RYR3: variants seen among roughly 807,000 people sequenced by gnomAD.
RYR3 encodes brain ryanodine receptor-calcium release channel.
Under a neutral mutation model 584.3 loss-of-function variants are expected in RYR3, and 207 were observed. The ratio of observed to expected loss-of-function variants is 0.35; its 90% CI spans 0.32 to 0.40. RYR3 has a LOEUF of 0.40. RYR3 is among the 10% of genes least tolerant of loss of function. RYR3 has a pLI of 1.00. For missense variants in RYR3, 5,616 were observed against 6,089.2 expected (o/e 0.92, Z 2.59); for synonymous variants, 2,416 against 2,248.5 (o/e 1.07, Z -2.11).
intron 1 of RYR3, among the ~76,000 whole-genome samples, chr15:33,452,548 G>A (rs1381331222): frequency 6.6e-6 from 1 of 152,140 alleles, no homozygotes; most frequent in Non-Finnish European, 1.5e-5. Context: ...TAAATATAAT[G>A]ATAGATCATA....
intron 21 of RYR3, among the ~76,000 whole-genome samples, chr15:33,629,570 A>G (rs1321303131): frequency 4.6e-5 from 7 of 152,234 alleles, no homozygotes; most frequent in Non-Finnish European, 1.0e-4. Context: ...CTACTGCACA[A>G]CACTGGTCCA....
chr15:33,555,712 G>C (rs532530810), intron 10 of RYR3, among the ~76,000 whole-genome samples: 2 of 152,334 alleles, frequency 1.3e-5, no homozygotes, highest in African/African-American at 4.8e-5. Flanking sequence ...AATGGAAGTA[G>C]TGCTGCTTAT....
At chr15:33,357,580 G>A (rs891460307) in intron 1 of RYR3, among the ~76,000 whole-genome samples, 2 of 152,008 alleles carry the variant, frequency 1.3e-5, no homozygotes, top group African/African-American at 4.8e-5. Flanking sequence ...ATTTTATAGT[G>A]CCTGCTTAAA....
intron 44 of RYR3, 108 bp downstream of exon 44, chr15:33,723,003 A>G (rs1384534133): frequency 6.0e-6 from 6 of 997,316 alleles, no homozygotes; most frequent in Non-Finnish European, 8.9e-6. Context: ...TGTTCTTAAC[A>G]GTTACAGCTA....
chr15:33,637,736 T>C (rs188752405), intron 27 of RYR3, among the ~76,000 whole-genome samples: 1 of 152,274 alleles, frequency 6.6e-6, no homozygotes, highest in African/African-American at 2.4e-5. Context: ...AAATGACTTT[T>C]GCACTTTTTT....
rs769718951 is a variant in RYR3, at chr15:33,728,867, C to T, written c.7044C>T (p.Val2348=). 6.2e-7 allele frequency: 1 copy of T among 1,611,220 alleles called. No homozygotes were observed. The highest frequency in any genetic ancestry group is 1.1e-5 in the South Asian group (1 of 90,076). ...CTATGTGTCTTTCAGATGGGTCGGTCAGTGAGCCAGATATGGCGGCCAATT... is the reference window on the plus strand; with the variant it reads ...CTATGTGTCTTTCAGATGGGTCGGTTAGTGAGCCAGATATGGCGGCCAATT... ...KLPSLNKDGS[V]SEPDMAANFC... is the part of the protein sequence containing the mutation. Residue 2348 remains valine (V), a synonymous_variant, in exon 47 of 104, where the codon GTC becomes GTT. Coordinates refer to ENST00000634891, the MANE Select transcript of RYR3 (RefSeq NM_001036.6).
At chr15:33,370,585 G>A (rs556147305) in intron 1 of RYR3, among the ~76,000 whole-genome samples, 2 of 152,264 alleles carry the variant, frequency 1.3e-5, no homozygotes, top group Non-Finnish European at 2.9e-5. Flanking sequence ...CAAAGTAAAC[G>A]TATTGGACAT....
chr15:33,528,119 C>T (rs1182225528), intron 3 of RYR3, among the ~76,000 whole-genome samples: 4 of 152,078 alleles, frequency 2.6e-5, no homozygotes, highest in African/African-American at 9.7e-5. Context: ...TTTCTTCCAC[C>T]ATTTTGCAGT....
intron 43 of RYR3, among the ~76,000 whole-genome samples, chr15:33,711,326 C>T (rs2067105194): frequency 6.8e-6 from 1 of 147,672 alleles, no homozygotes; most frequent in South Asian, 2.1e-4. Context: ...TCACTGCAAG[C>T]TCCGCCTCCC....
intron 1 of RYR3, among the ~76,000 whole-genome samples, chr15:33,319,491 C>A (rs1968660116): frequency 6.6e-6 from 1 of 152,226 alleles, no homozygotes; most frequent in South Asian, 2.1e-4. Context: ...TAGAAGAGAA[C>A]AGTTCAAGAA....
At chr15:33,541,430 T>G (rs1435509784) in intron 7 of RYR3, among the ~76,000 whole-genome samples, 1 of 152,166 alleles carries the variant, frequency 6.6e-6, no homozygotes, top group African/African-American at 2.4e-5. Flanking sequence ...TCCAACGTTG[T>G]TCAATGTATT....
intron 89 of RYR3, among the ~76,000 whole-genome samples, chr15:33,840,094 G>A (rs1352365342): frequency 6.6e-6 from 1 of 152,236 alleles, no homozygotes; most frequent in Non-Finnish European, 1.5e-5. Flanking sequence ...TGAACATGCA[G>A]TGAGTTACAG....
intron 8 of RYR3, among the ~76,000 whole-genome samples, chr15:33,545,234 A>G (rs1489551217): frequency 1.3e-5 from 2 of 152,164 alleles, no homozygotes; most frequent in Non-Finnish European, 1.5e-5. Context: ...TCAAAATTAG[A>G]GCCAAATTAG....
chr15:33,829,956 A>G (rs2077581577), intron 85 of RYR3, among the ~76,000 whole-genome samples: 1 of 152,222 alleles, frequency 6.6e-6, no homozygotes, highest in Non-Finnish European at 1.5e-5. Flanking sequence ...AATTGCTGCA[A>G]TCTCATGATC....
chr15:33,478,492 C>T (rs905494150), intron 2 of RYR3, among the ~76,000 whole-genome samples: 1 of 152,212 alleles, frequency 6.6e-6, no homozygotes, highest in Non-Finnish European at 1.5e-5. Context: ...TTCTAAAATA[C>T]GTATTGATAG....
chr15:33,438,045 C>G (rs1013296280), intron 1 of RYR3, among the ~76,000 whole-genome samples: 7 of 152,146 alleles, frequency 4.6e-5, no homozygotes, highest in African/African-American at 1.7e-4. Context: ...GTATTTCTCT[C>G]TCTCCTCTTC....
intron 64 of RYR3, among the ~76,000 whole-genome samples, chr15:33,777,426 A>G (rs1475416419): frequency 6.6e-6 from 1 of 152,112 alleles, no homozygotes; most frequent in Non-Finnish European, 1.5e-5. Flanking sequence ...AGCCAGGAGC[A>G]TTAATTGGCA....
intron 1 of RYR3, among the ~76,000 whole-genome samples, chr15:33,417,510 T>A (rs996758305): frequency 1.3e-5 from 2 of 152,150 alleles, no homozygotes; most frequent in African/African-American, 4.8e-5. Flanking sequence ...TGTGTAGAAA[T>A]ACTACTGATT....
chr15:33,635,992 T>G (rs1456944167), intron 26 of RYR3, among the ~76,000 whole-genome samples, 173 bp downstream of exon 26: 1 of 152,204 alleles, frequency 6.6e-6, no homozygotes, highest in East Asian at 1.9e-4. Flanking sequence ...TGCTCTTCAC[T>G]CTGTTGAAGG....
Sources: gnomAD v4.1 joint callset for allele counts (sites outside exome capture counted in the v4.1 genomes callset) on GRCh38, gnomAD v4.1.1 for gene constraint, MANE v1.5 for transcripts, NCBI Gene and HGNC (gene_info 2026-07-23, HGNC 2026-07-21) for gene names.